MAP3K2: variants seen among roughly 807,000 people sequenced by gnomAD.
The protein encoded by MAP3K2 is mitogen-activated protein kinase kinase kinase 2, also known as MAP/ERK kinase kinase 2.
Under a neutral mutation model 80.3 loss-of-function variants are expected in MAP3K2, and 24 were observed. The observed-to-expected ratio is 0.30, with a 90% CI of 0.22 to 0.42. MAP3K2 has a LOEUF of 0.42. Among genes scored for constraint, MAP3K2 ranks in the 10% least tolerant of loss-of-function variants. MAP3K2 has a pLI of 1.00. For missense variants in MAP3K2, 608 were observed against 750.1 expected (o/e 0.81, Z 2.21); for synonymous variants, 244 against 253.7 (o/e 0.96, Z 0.36).
At chr2:127,358,948 A>G (rs900787181) in intron 1 of MAP3K2, among the ~76,000 whole-genome samples, 7 of 152,058 alleles carry the variant, frequency 4.6e-5, no homozygotes, top group Non-Finnish European at 2.9e-5. Context: ...AAAAGGCTAG[A>G]TACTATTGAT....
At chr2:127,388,180 C>T, upstream of MAP3K2, 3 of 984,868 alleles carry the variant, frequency 3.0e-6, no homozygotes, top group Non-Finnish European at 3.6e-6. Context: ...TCCGCCCCGG[C>T]CTCGGCCCCG....
intron 1 of MAP3K2, among the ~76,000 whole-genome samples, chr2:127,370,003 C>T (rs1057460709): frequency 1.3e-5 from 2 of 151,660 alleles, no homozygotes; most frequent in Non-Finnish European, 2.9e-5. Context: ...TTATCTGGTG[C>T]CTGAAACTTT....
At chr2:127,348,061 G>C (rs1459019888) in intron 1 of MAP3K2, among the ~76,000 whole-genome samples, 1 of 152,126 alleles carries the variant, frequency 6.6e-6, no homozygotes, top group Non-Finnish European at 1.5e-5. Context: ...CTGATGAAGA[G>C]AGAAACATGT....
Position 127,339,095 on chromosome 2 carries a change from C to A in MAP3K2, c.5-45G>T. The stretch of plus-strand genomic sequence containing the variant: ...CACATACATAGAATTGTAATTGTGA[C>A]ATATATATCAACATGTATAGACATC... On this transcript the variant is annotated intron_variant, in intron 2 of 16. Coordinates refer to ENST00000682094, the MANE Select transcript of MAP3K2 (RefSeq NM_001371910.2). This position sits in a 1 kb window ranked among gnomAD's most constrained non-coding sequence, Gnocchi z 4.2. 1 of 1,162,030 alleles carries A rather than the reference C, an allele frequency of 8.6e-7. No homozygotes were observed. The allele number at this position is 1,162,030 out of a possible 1,614,324, so 72.0% of individuals were successfully genotyped here. A position where few individuals can be genotyped will look rare whatever the true frequency, so the allele number is the denominator to read the frequency against.
intron 15 of MAP3K2, among the ~76,000 whole-genome samples, chr2:127,311,147 CCT>C (rs987279404): frequency 6.6e-6 from 1 of 152,164 alleles, no homozygotes; most frequent in African/African-American, 2.4e-5. Flanking sequence ...TTCCCTAAAG[CCT>C]CTCTCCAGAG....
At position 127,364,314 on chromosome 2, in the gene MAP3K2, A is replaced by G. The variant is rs1025755437; in HGVS notation, c.-65-21120T>C. ...CAAAAAAAGCAAAGAGTAGGAGTCAATAGGTTCTGAGTTATACTACGAAGT... is the reference window on the plus strand; with the variant it reads ...CAAAAAAAGCAAAGAGTAGGAGTCAGTAGGTTCTGAGTTATACTACGAAGT... On this transcript the variant is annotated intron_variant, in intron 1 of 16. Coordinates refer to ENST00000682094, the MANE Select transcript of MAP3K2 (RefSeq NM_001371910.2). This position sits in a 1 kb window ranked among gnomAD's most constrained non-coding sequence, Gnocchi z 4.1. Among the ~76,000 whole-genome samples, 3 of 152,232 alleles carry G rather than the reference A, an allele frequency of 2.0e-5. No homozygotes were observed. The highest frequency in any genetic ancestry group is 7.2e-5 in the African/African-American group (3 of 41,464).
intron 1 of MAP3K2, among the ~76,000 whole-genome samples, chr2:127,353,194 T>C (rs10239479): frequency 1.4e-5 from 2 of 140,586 alleles, no homozygotes; most frequent in South Asian, 2.3e-4. Context: ...TCTGCCTGGC[T>C]GCCCAGTCTG....
chr2:127,350,999 G>C (rs1033600048), intron 1 of MAP3K2, among the ~76,000 whole-genome samples: 18 of 152,274 alleles, frequency 1.2e-4, no homozygotes, highest in African/African-American at 4.1e-4. Context: ...TCATAGGGAA[G>C]CATTAGACAA....
chr2:127,354,239 T>TA (rs56904810), intron 1 of MAP3K2, among the ~76,000 whole-genome samples: 89,841 of 113,586 alleles, frequency 0.79, 34,173 homozygotes, highest in Middle Eastern at 0.85. Flanking sequence ...GAATGATCAA[T>TA]AAAAAAAAAA....
Position 127,378,992 on chromosome 2 carries a change from T to G in MAP3K2, c.-66+8460A>C, listed in dbSNP as rs1466916280. ...TGGGGTTTTTTGTTGTTTTTTTTTTTTTTTTTTTTTGGAGAGACAGGGTTT... is the reference window on the plus strand; with the variant it reads ...TGGGGTTTTTTGTTGTTTTTTTTTTGTTTTTTTTTTGGAGAGACAGGGTTT... On this transcript the variant is annotated intron_variant, in intron 1 of 16. Coordinates refer to ENST00000682094, the MANE Select transcript of MAP3K2 (RefSeq NM_001371910.2). 1.2e-4 allele frequency among the ~76,000 whole-genome samples: 17 copies of G among 146,334 alleles called. No individual in the cohort carries two copies. In the East Asian group the frequency reaches 3.1e-3, roughly 27 times the overall value.
chr2:127,355,635 T>C lies in MAP3K2; in HGVS notation c.-65-12441A>G, dbSNP rs79303058. Among the ~76,000 whole-genome samples, 135 of 152,290 alleles carry C rather than the reference T, an allele frequency of 8.9e-4. 2 individuals are homozygous for C. In the East Asian group the frequency reaches 0.024, roughly 27 times the overall value. On this transcript the variant is annotated intron_variant, in intron 1 of 16. Coordinates refer to ENST00000682094, the MANE Select transcript of MAP3K2 (RefSeq NM_001371910.2). Reference sequence around the variant, plus strand: ...CTCCATGTTGATGGCTCCTGACTGATAAGGGTGGTGGTGGTTGCTGAAGGT... The same window carrying C: ...CTCCATGTTGATGGCTCCTGACTGACAAGGGTGGTGGTGGTTGCTGAAGGT...
intron 14 of MAP3K2, among the ~76,000 whole-genome samples, chr2:127,315,166 C>T (rs1251347329): frequency 2.0e-5 from 3 of 152,128 alleles, no homozygotes; most frequent in African/African-American, 4.8e-5. Context: ...TGAGAACATA[C>T]ACAAAAGGAG....
At chr2:127,351,077 G>A (rs1686684108) in intron 1 of MAP3K2, among the ~76,000 whole-genome samples, 1 of 152,116 alleles carries the variant, frequency 6.6e-6, no homozygotes, top group African/African-American at 2.4e-5. Flanking sequence ...AATCATGAAA[G>A]TCAAGGAAAC....
chr2:127,341,284 C>T (rs1056862503), intron 2 of MAP3K2, among the ~76,000 whole-genome samples: 4 of 151,520 alleles, frequency 2.6e-5, no homozygotes, highest in African/African-American at 4.9e-5. Flanking sequence ...CCACTGCACC[C>T]GGCCTACTTA....
At chr2:127,329,878 T>C (rs770849582) in intron 7 of MAP3K2, 43 bp downstream of exon 7, 15 of 1,116,522 alleles carry the variant, frequency 1.3e-5, no homozygotes, top group South Asian at 1.3e-4. Flanking sequence ...GGAGAAGAAA[T>C]TGAGAAATCA....
intron 1 of MAP3K2, among the ~76,000 whole-genome samples, chr2:127,349,375 A>G (rs567446695): frequency 1.3e-4 from 20 of 152,060 alleles, no homozygotes; most frequent in African/African-American, 4.8e-4. Flanking sequence ...TGTGTTGCCC[A>G]GGCTGGTCTC....
In MAP3K2 at chr2:127,333,956, G is replaced by A. The variant is rs114875853; in HGVS notation, c.264+1914C>T. On this transcript the variant is annotated intron_variant, in intron 5 of 16. Transcript: ENST00000682094. Reference sequence around the variant, plus strand: ...TCTACCAAAAATACAAAAATTATCCGGGAGCAGTGGTGCCTGCCTGTGGTC... The same window carrying A: ...TCTACCAAAAATACAAAAATTATCCAGGAGCAGTGGTGCCTGCCTGTGGTC... Among the ~76,000 whole-genome samples the A allele has an allele frequency of 8.5e-3, 1,291 of 152,048 alleles. 21 individuals are homozygous for A. Among genetic ancestry groups the A allele is most frequent in the African/African-American group, 0.03 (1,228 of 41,464 alleles).
At chr2:127,342,388 G>GGGGGGTGTGTGTGTGTGTGTGT (rs143219830) in intron 2 of MAP3K2, among the ~76,000 whole-genome samples, 3 of 147,744 alleles carry the variant, frequency 2.0e-5, no homozygotes, top group African/African-American at 7.6e-5. Context: ...TCTTCATGAG[G>GGGGGGTGTGTGTGTGTGTGTGT]GTGTGTGTGT....
At chr2:127,312,059 C>T (rs1034062677) in intron 15 of MAP3K2, among the ~76,000 whole-genome samples, 1 of 152,158 alleles carries the variant, frequency 6.6e-6, no homozygotes, top group African/African-American at 2.4e-5. Flanking sequence ...GATTCAGGTT[C>T]AATTTCTGGG....
Sources: allele counts gnomAD v4.1 joint callset (sites outside exome capture counted in the v4.1 genomes callset), GRCh38; gene constraint gnomAD v4.1.1; non-coding constraint Gnocchi (gnomAD v3.1); transcripts MANE v1.5; gene names NCBI Gene and HGNC (gene_info 2026-07-23, HGNC 2026-07-21).